The following TCF12 variants were observed in gnomAD, a reference collection of about 807,000 sequenced individuals.
The protein encoded by TCF12 is DNA-binding protein HTF4.
In TCF12, 45 loss-of-function variants were observed where a neutral mutation model predicts 86.0. That is an observed-to-expected ratio of 0.52 (90% CI 0.41 to 0.67). The LOEUF is 0.67. TCF12 is among the 30% of genes least tolerant of loss of function. The pLI is 0.00. For synonymous variants in TCF12, 330 were observed against 299.6 expected, an observed-to-expected ratio of 1.10 and a Z score of -1.05; for missense variants, 881 against 859.9, an observed-to-expected ratio of 1.02 and a Z score of -0.31.
At chr15:57,017,142 A>G (rs1445835348) in intron 3 of TCF12, among the ~76,000 whole-genome samples, 3 of 152,172 alleles carry the variant, frequency 2.0e-5, no homozygotes, top group African/African-American at 7.2e-5. Flanking sequence ...AAGTAGGGCA[A>G]AATCTCAGGC....
chr15:57,273,424 C>G (rs1169476596), intron 19 of TCF12, among the ~76,000 whole-genome samples, 162 bp downstream of exon 19: 5 of 151,650 alleles, frequency 3.3e-5, no homozygotes, highest in Non-Finnish European at 7.4e-5. Flanking sequence ...ACTTCTGTCT[C>G]ACTGTATCAC....
chr15:57,041,380 G>A (rs2066887759), intron 3 of TCF12, among the ~76,000 whole-genome samples: 1 of 152,062 alleles, frequency 6.6e-6, no homozygotes, highest in Non-Finnish European at 1.5e-5. Flanking sequence ...TTGTCTTCAG[G>A]TGGATAAATT....
In TCF12 at chr15:57,282,525, A is replaced by T. The variant is rs150359060; in HGVS notation, c.2059A>T (p.Thr687Ser). 1 of 1,614,254 alleles carries T rather than the reference A, an allele frequency of 6.2e-7. No homozygotes were observed. The highest frequency in any genetic ancestry group is 1.7e-5 in the Admixed American group (1 of 60,038). The change falls in exon 20 of 21, where the codon ACC (threonine) becomes TCC (serine). Residue 687 changes from threonine (T) to serine (S), a missense_variant. Physicochemically the swap from Thr to Ser is moderately conservative, Grantham distance 58 (BLOSUM62 1). Coordinates refer to ENST00000333725, the MANE Select transcript of TCF12 (RefSeq NM_207037.2). ...KVSAVSAEPPTTLPGTHPGLS... is the reference protein window; with the variant it reads ...KVSAVSAEPPSTLPGTHPGLS... Reference sequence around the variant, plus strand: ...TTCTGCCGTATCGGCAGAGCCGCCAACCACACTGCCAGGAACCCATCCTGG... The same window carrying T: ...TTCTGCCGTATCGGCAGAGCCGCCATCCACACTGCCAGGAACCCATCCTGG...
At chr15:57,251,097 G>A in intron 13 of TCF12, 1 of 376,874 alleles carries the variant, frequency 2.7e-6, no homozygotes, top group Non-Finnish European at 4.8e-6. Context: ...TAAAGAATGT[G>A]CAAACATAAA....
intron 3 of TCF12, among the ~76,000 whole-genome samples, chr15:56,994,604 C>T (rs2063610839): frequency 1.3e-5 from 2 of 151,938 alleles, no homozygotes; most frequent in South Asian, 4.2e-4. Context: ...TTGGGGGGAG[C>T]AATGATTCTA....
chr15:57,059,145 T>G (rs1180873051), intron 3 of TCF12, among the ~76,000 whole-genome samples: 1 of 152,214 alleles, frequency 6.6e-6, no homozygotes, highest in Non-Finnish European at 1.5e-5. Context: ...AGATTTGATA[T>G]TTTTGGAGTA....
chr15:57,262,214 T>G lies in TCF12; in HGVS notation c.1582+6T>G, dbSNP rs776683648. On this transcript the variant is annotated splice_donor_region_variant and intron_variant, in intron 17 of 20. Transcript: ENST00000333725. ...AACACAAGAAAATTATAGAGGTAAC[T>G]ATATTGTTGGTTTTCAGAAATAATG... 4 of 1,576,366 alleles carry G rather than the reference T, an allele frequency of 2.5e-6. No individual in the cohort carries two copies. The highest frequency in any genetic ancestry group is 8.7e-7 in the Non-Finnish European group (1 of 1,152,068).
At position 57,271,586 on chromosome 15, in the gene TCF12, T is replaced by G. The variant is rs113136845; in HGVS notation, c.1746-1444T>G. Among the ~76,000 whole-genome samples the G allele has an allele frequency of 7.9e-5, 12 of 152,266 alleles. 1 individual carries two copies. The highest frequency in any genetic ancestry group is 2.9e-4 in the African/African-American group (12 of 41,572). On this transcript the variant is annotated intron_variant, in intron 18 of 20. Coordinates refer to ENST00000333725, the MANE Select transcript of TCF12 (RefSeq NM_207037.2). ...CCACCCTGATTCAGCTCACCCTCCG[T>G]GGGCTGCACCCACTGTTCAACCAGT...
intron 5 of TCF12, among the ~76,000 whole-genome samples, chr15:57,137,324 T>G (rs978103444): frequency 2.6e-5 from 4 of 152,186 alleles, no homozygotes; most frequent in African/African-American, 9.6e-5. Context: ...TGCTTATAAA[T>G]AAAACACATT....
upstream of TCF12, chr15:56,918,500 G>A (rs530777189): frequency 2.0e-4 from 64 of 316,894 alleles, no homozygotes; most frequent in Non-Finnish European, 3.4e-4. Context: ...CGCGGGCTTT[G>A]TCCACCCGCC....
intron 3 of TCF12, among the ~76,000 whole-genome samples, chr15:56,948,200 C>A (rs1224073604): frequency 1.3e-5 from 2 of 151,908 alleles, no homozygotes; most frequent in Admixed American, 1.3e-4. Context: ...TGGCTCACTG[C>A]AGCCTTGACC....
chr15:56,971,177 A>G (rs1434705230), intron 3 of TCF12, among the ~76,000 whole-genome samples: 1 of 152,148 alleles, frequency 6.6e-6, no homozygotes, highest in Non-Finnish European at 1.5e-5. Flanking sequence ...TAATCCCAGC[A>G]CTTTGGGAGG....
intron 3 of TCF12, among the ~76,000 whole-genome samples, chr15:57,030,472 A>G (rs572102816): frequency 7.9e-5 from 12 of 152,278 alleles, no homozygotes; most frequent in East Asian, 7.7e-4. Flanking sequence ...GCTGTTCTCA[A>G]ATTCCTGCCT....
chr15:57,189,027 G>C (rs2056838454), intron 6 of TCF12, among the ~76,000 whole-genome samples: 1 of 152,200 alleles, frequency 6.6e-6, no homozygotes, highest in Non-Finnish European at 1.5e-5. Flanking sequence ...GGGTTCAAGA[G>C]ATCTTCCTGC....
At chr15:57,177,801 G>A (rs2056061240) in intron 6 of TCF12, among the ~76,000 whole-genome samples, 2 of 152,062 alleles carry the variant, frequency 1.3e-5, no homozygotes, top group South Asian at 4.2e-4. Flanking sequence ...GCTCACTGCA[G>A]CCTTGACCTC....
intron 4 of TCF12, among the ~76,000 whole-genome samples, chr15:57,088,125 G>A (rs909296800): frequency 2.0e-5 from 3 of 151,954 alleles, no homozygotes; most frequent in South Asian, 2.1e-4. Context: ...TGATCCACTC[G>A]GGCTCCAACT....
intron 5 of TCF12, among the ~76,000 whole-genome samples, chr15:57,126,391 C>G (rs1283142572): frequency 3.3e-5 from 5 of 152,170 alleles, no homozygotes; most frequent in Non-Finnish European, 7.4e-5. Context: ...CTTCTACTTG[C>G]ATTATAAAAC....
At chr15:57,204,573 A>G (rs1347895913) in intron 8 of TCF12, among the ~76,000 whole-genome samples, 3 of 152,144 alleles carry the variant, frequency 2.0e-5, no homozygotes, top group Non-Finnish European at 4.4e-5. Context: ...ATTTTTAGTC[A>G]TTTGTTATCG....
chr15:57,007,208 C>T (rs1420717419), intron 3 of TCF12, among the ~76,000 whole-genome samples: 2 of 152,068 alleles, frequency 1.3e-5, no homozygotes, highest in African/African-American at 4.8e-5. Flanking sequence ...TATTCTTCTG[C>T]AAGAAACAGT....
Sources: gnomAD v4.1 joint callset for allele counts (sites outside exome capture counted in the v4.1 genomes callset) on GRCh38, gnomAD v4.1.1 for gene constraint, MANE v1.5 for transcripts, NCBI Gene and HGNC (gene_info 2026-07-23, HGNC 2026-07-21) for gene names.